The following HSPA4 variants were observed in gnomAD, a reference collection of about 807,000 sequenced individuals.
HSPA4 encodes heat shock protein family A (Hsp70) member 4, also known as heat shock 70 kDa protein 4.
In HSPA4, 25 loss-of-function variants were observed where a neutral mutation model predicts 106.2. The observed-to-expected ratio is 0.24, with a 90% confidence interval of 0.17 to 0.33. HSPA4 has a LOEUF of 0.33. Ranked by LOEUF, HSPA4 falls within the 10% of genes least tolerant of loss-of-function variation. The probability of loss-of-function intolerance (pLI) is 1.00; values close to 1 mark genes in which losing one functional copy is unlikely to be tolerated. For missense variants in HSPA4, 841 were observed against 996.0 expected (o/e 0.84, Z 2.10); for synonymous variants, 332 against 333.6 (o/e 1.00, Z 0.05).
intron 1 of HSPA4, among the ~76,000 whole-genome samples, chr5:133,061,051 G>A (rs956959294): frequency 1.3e-5 from 2 of 151,236 alleles, no homozygotes; most frequent in African/African-American, 2.4e-5. Flanking sequence ...GACTTGGTAC[G>A]TGCACACACA....
At chr5:133,054,247 C>T (rs907831805) in intron 1 of HSPA4, among the ~76,000 whole-genome samples, 4 of 151,676 alleles carry the variant, frequency 2.6e-5, no homozygotes, top group Non-Finnish European at 5.9e-5. Context: ...CTGTTCCCTA[C>T]GCTGGAGTGC....
chr5:133,082,878 G>T (rs1350756648), intron 7 of HSPA4, among the ~76,000 whole-genome samples: 3 of 152,152 alleles, frequency 2.0e-5, no homozygotes, highest in Admixed American at 2.0e-4. Flanking sequence ...GCTCACGCCT[G>T]TAATCCCAGC....
chr5:133,055,141 A>C (rs1381584763), intron 1 of HSPA4, among the ~76,000 whole-genome samples: 1 of 152,120 alleles, frequency 6.6e-6, no homozygotes, highest in East Asian at 1.9e-4. Flanking sequence ...AATTCCATTT[A>C]AATAATTTTC....
intron 1 of HSPA4, among the ~76,000 whole-genome samples, chr5:133,056,175 AGTT>A (rs558995543): frequency 1.2e-3 from 180 of 152,232 alleles, no homozygotes; most frequent in African/African-American, 4.1e-3. Flanking sequence ...TTTGAGGAAG[AGTT>A]GTTCCAGGCA....
intron 7 of HSPA4, among the ~76,000 whole-genome samples, chr5:133,082,884 C>T (rs985922629): frequency 6.6e-6 from 1 of 152,094 alleles, no homozygotes; most frequent in East Asian, 1.9e-4. Context: ...GCCTGTAATC[C>T]CAGCATTTTG....
At chr5:133,101,252 T>C (rs1425878868) in intron 16 of HSPA4, among the ~76,000 whole-genome samples, 1 of 152,218 alleles carries the variant, frequency 6.6e-6, no homozygotes, top group African/African-American at 2.4e-5. Flanking sequence ...TCTTCCGTTA[T>C]TTCCCCATGT....
At chr5:133,061,239 C>T (rs1166593260) in intron 1 of HSPA4, among the ~76,000 whole-genome samples, 1 of 151,726 alleles carries the variant, frequency 6.6e-6, no homozygotes, top group African/African-American at 2.4e-5. Flanking sequence ...TCTCCTGCCT[C>T]AGCCTCCCAA....
chr5:133,088,324 C>T, intron 8 of HSPA4, 80 bp from the exon 9 acceptor site: 1 of 1,010,886 alleles, frequency 9.9e-7, no homozygotes, highest in Admixed American at 2.2e-5. Context: ...TTTTGTTACA[C>T]ATCTGAGTTA....
intron 1 of HSPA4, among the ~76,000 whole-genome samples, chr5:133,053,599 C>G (rs1376192100): frequency 1.3e-5 from 2 of 152,120 alleles, no homozygotes; most frequent in African/African-American, 4.8e-5. Context: ...GTCCTCCAGC[C>G]TCGGCCTTCT....
intron 4 of HSPA4, among the ~76,000 whole-genome samples, chr5:133,072,228 A>G (rs1765390720): frequency 1.3e-5 from 2 of 152,120 alleles, no homozygotes; most frequent in African/African-American, 4.8e-5. Flanking sequence ...GTGAAGGGAT[A>G]CAAAGCAAAA....
intron 1 of HSPA4, among the ~76,000 whole-genome samples, chr5:133,059,725 A>C (rs986699231): frequency 3.9e-5 from 6 of 152,190 alleles, no homozygotes; most frequent in Non-Finnish European, 8.8e-5. Flanking sequence ...ACTTGACTTG[A>C]ATCAGCTCTT....
In HSPA4 at chr5:133,052,130, C is replaced by T. The variant is rs1372783261; in HGVS notation, c.-121C>T. ...AAGGACTTAGGCGCTCGCGTGGACA[C>T]CGCAAGCCCCTCAGTAGCCTCGGCC... is the stretch of plus-strand genomic sequence containing the variant. On this transcript the variant is annotated 5_prime_UTR_variant, in exon 1 of 19. Transcript: ENST00000304858. The T allele has an allele frequency of 8.9e-6, 6 of 675,294 alleles. No homozygotes were observed. The Admixed American group carries it at 1.5e-4, about 17-fold the overall frequency. 41.8% of individuals were successfully genotyped at this position (675,294 alleles called of 1,614,324 possible).
chr5:133,103,737 G>A, intron 17 of HSPA4, 128 bp from the exon 18 acceptor site: 1 of 708,110 alleles, frequency 1.4e-6, no homozygotes, highest in East Asian at 2.8e-5. Context: ...TGTTCAGATT[G>A]TGAGGCTAAA....
chr5:133,097,714 A>G (rs976905346), intron 15 of HSPA4, among the ~76,000 whole-genome samples: 4 of 150,900 alleles, frequency 2.7e-5, no homozygotes, highest in Admixed American at 2.0e-4. Context: ...AAGCCTGGCT[A>G]ATTTTTGTAT....
intron 3 of HSPA4, among the ~76,000 whole-genome samples, chr5:133,068,122 G>T (rs564739153): frequency 1.3e-5 from 2 of 152,142 alleles, no homozygotes; most frequent in East Asian, 3.9e-4. Context: ...TCGAACTCCT[G>T]ACCTTGTGAT....
chr5:133,098,076 C>T (rs142675801), intron 15 of HSPA4, among the ~76,000 whole-genome samples: 126 of 152,110 alleles, frequency 8.3e-4, no homozygotes, highest in Middle Eastern at 3.4e-3. Context: ...CACTTCTGTC[C>T]TCCCGCTTTT....
At chr5:133,091,682 T>C (rs962287890) in intron 12 of HSPA4, among the ~76,000 whole-genome samples, 19 of 152,216 alleles carry the variant, frequency 1.2e-4, no homozygotes, top group Non-Finnish European at 2.2e-4. Flanking sequence ...GTAGAATTGA[T>C]TGTACACTCA....
chr5:133,062,214 C>T (rs1013991160), intron 1 of HSPA4, among the ~76,000 whole-genome samples: 1 of 152,084 alleles, frequency 6.6e-6, no homozygotes, highest in African/African-American at 2.4e-5. Context: ...TAATTAGAAG[C>T]AAGACAGTTT....
chr5:133,101,472 A>G, intron 16 of HSPA4: 1 of 238,694 alleles, frequency 4.2e-6, no homozygotes, highest in Non-Finnish European at 8.0e-6. Flanking sequence ...TATACTTTAT[A>G]TTTAGTACTG....
Sources: allele counts gnomAD v4.1 joint callset (sites outside exome capture counted in the v4.1 genomes callset), GRCh38; gene constraint gnomAD v4.1.1; transcripts MANE v1.5; gene names NCBI Gene and HGNC (gene_info 2026-07-23, HGNC 2026-07-21).